MEIS2: variants seen among roughly 807,000 people sequenced by gnomAD.
The protein encoded by MEIS2 is homeobox protein Meis2.
MEIS2 carries 9 observed loss-of-function variants against 58.6 expected under a neutral mutation model. The ratio of observed to expected loss-of-function variants is 0.15; its 90% CI spans 0.09 to 0.27. The LOEUF (loss-of-function observed/expected upper bound fraction) is 0.27, where lower values mean the gene tolerates loss of function less well. MEIS2 is among the 10% of genes least tolerant of loss of function. The pLI is 1.00. For synonymous variants in MEIS2, 221 were observed against 228.4 expected, an observed-to-expected ratio of 0.97 and a Z score of 0.29; for missense variants, 427 against 635.0, an observed-to-expected ratio of 0.67 and a Z score of 3.52.
At chr15:37,092,882 G>A (rs1387042502) in intron 6 of MEIS2, among the ~76,000 whole-genome samples, 1 of 151,758 alleles carries the variant, frequency 6.6e-6, no homozygotes, top group African/African-American at 2.4e-5. Flanking sequence ...CTGTTAAAGT[G>A]TTAAAATTCA....
chr15:37,044,669 G>C (rs1411420230), intron 7 of MEIS2, among the ~76,000 whole-genome samples: 2 of 152,048 alleles, frequency 1.3e-5, no homozygotes, highest in African/African-American at 4.8e-5. Context: ...TAGTGAAAAA[G>C]GAATCTCCTT....
intron 8 of MEIS2, among the ~76,000 whole-genome samples, chr15:36,995,592 G>A (rs183459956): frequency 8.0e-4 from 110 of 137,344 alleles, no homozygotes; most frequent in Middle Eastern, 4.1e-3. Flanking sequence ...AAGCCATTAC[G>A]TTCTTTTCTT....
chr15:36,946,308 C>A (rs895319133), intron 9 of MEIS2, among the ~76,000 whole-genome samples: 1 of 151,652 alleles, frequency 6.6e-6, no homozygotes, highest in African/African-American at 2.4e-5. Context: ...TGAGAAAATA[C>A]CAGAGTGTTA....
intron 7 of MEIS2, among the ~76,000 whole-genome samples, chr15:37,083,341 G>A (rs2141916170): frequency 6.6e-6 from 1 of 152,246 alleles, no homozygotes; most frequent in Admixed American, 6.5e-5. Context: ...AATAAGAACA[G>A]ATTTTTAAAT....
intron 7 of MEIS2, among the ~76,000 whole-genome samples, chr15:37,054,004 C>T (rs183532390): frequency 2.6e-4 from 40 of 152,208 alleles, no homozygotes; most frequent in African/African-American, 9.4e-4. Context: ...ACAGATAAAG[C>T]GAGTGAGGTC....
intron 7 of MEIS2, among the ~76,000 whole-genome samples, chr15:37,057,883 G>A (rs1182199461): frequency 6.6e-6 from 1 of 152,078 alleles, no homozygotes; most frequent in African/African-American, 2.4e-5. Flanking sequence ...GTTAGAGAAC[G>A]CCTATTAACC....
chr15:37,023,909 CTCTTTTTTTT>C (rs1258982494), intron 8 of MEIS2, among the ~76,000 whole-genome samples: 2 of 79,832 alleles, frequency 2.5e-5, no homozygotes, highest in African/African-American at 7.9e-5. Context: ...CCTTTTCTCT[CTCTTTTTTTT>C]TTTTTTTTTT....
At position 37,045,306 on chromosome 15, in the gene MEIS2, C is replaced by T. The variant is rs748388424; in HGVS notation, c.755-8347G>A. On this transcript the variant is annotated intron_variant, in intron 7 of 11. Transcript: ENST00000561208. ...CACGGTATTTTATGGACTAATTTTC[C>T]GTCATCACTTCTTTATGCCCTTTTC... Among the ~76,000 whole-genome samples, 8 of 152,066 alleles carry T rather than the reference C, an allele frequency of 5.3e-5. No homozygotes were observed. In the South Asian group the frequency reaches 1.0e-3, roughly 20 times the overall value.
intron 7 of MEIS2, among the ~76,000 whole-genome samples, chr15:37,068,294 C>T (rs921486536): frequency 6.6e-6 from 1 of 152,138 alleles, no homozygotes; most frequent in African/African-American, 2.4e-5. Context: ...GGAGGAATCT[C>T]AAGCCATGAC....
At chr15:36,896,501 C>T in intron 10 of MEIS2, 127 bp downstream of exon 10, 1 of 667,400 alleles carries the variant, frequency 1.5e-6, no homozygotes, top group Non-Finnish European at 2.5e-6. Context: ...ATTCTGGGGA[C>T]ATTAAAAAAA....
intron 5 of MEIS2, 189 bp from the exon 6 acceptor site, chr15:37,093,919 G>C: frequency 1.6e-6 from 1 of 638,780 alleles, no homozygotes; most frequent in Non-Finnish European, 2.7e-6. Flanking sequence ...AGTAATTGTT[G>C]CAGCAGATAT....
chr15:37,021,946 CT>C (rs896862036), intron 8 of MEIS2, among the ~76,000 whole-genome samples: 1 of 152,074 alleles, frequency 6.6e-6, no homozygotes, highest in African/African-American at 2.4e-5. Context: ...TCTCAAAATA[CT>C]TTTGGAATAT....
At chr15:37,086,849 T>G (rs972626839) in intron 6 of MEIS2, among the ~76,000 whole-genome samples, 4 of 152,326 alleles carry the variant, frequency 2.6e-5, no homozygotes, top group Admixed American at 2.6e-4. Flanking sequence ...AACAAAAAAT[T>G]GTTCCTCCTT....
At chr15:37,065,283 AC>A (rs1889766973) in intron 7 of MEIS2, among the ~76,000 whole-genome samples, 1 of 152,194 alleles carries the variant, frequency 6.6e-6, no homozygotes, top group South Asian at 2.1e-4. Flanking sequence ...GCACTGAGAT[AC>A]ATTTCTGGAG....
chr15:36,919,171 ACT>A (rs1323542916), intron 9 of MEIS2, among the ~76,000 whole-genome samples: 2 of 152,174 alleles, frequency 1.3e-5, no homozygotes, highest in East Asian at 3.9e-4. Context: ...ACAGAGGGAG[ACT>A]CTGTCTCCAA....
At chr15:37,094,289 T>C (rs964049820) in intron 5 of MEIS2, among the ~76,000 whole-genome samples, 3 of 152,112 alleles carry the variant, frequency 2.0e-5, no homozygotes, top group Non-Finnish European at 2.9e-5. Flanking sequence ...TTCAAAATAA[T>C]CCTGAATGCC....
intron 9 of MEIS2, among the ~76,000 whole-genome samples, chr15:36,907,235 C>T (rs187481987): frequency 3.8e-4 from 58 of 152,324 alleles, no homozygotes; most frequent in Non-Finnish European, 7.6e-4. Context: ...AAAGGGCCTC[C>T]ATTAAGTGTG....
intron 9 of MEIS2, chr15:36,903,810 C>T (rs934471605): frequency 6.6e-6 from 1 of 152,156 alleles, no homozygotes; most frequent in African/African-American, 2.4e-5. Context: ...TCATGATCAC[C>T]TTTGATTGAA....
intron 9 of MEIS2, among the ~76,000 whole-genome samples, chr15:36,939,634 G>C (rs1423316617): frequency 6.6e-6 from 1 of 151,902 alleles, no homozygotes; most frequent in Non-Finnish European, 1.5e-5. Flanking sequence ...TCAAGAAATT[G>C]TACCTGTTTA....
Sources: allele counts gnomAD v4.1 joint callset (sites outside exome capture counted in the v4.1 genomes callset), GRCh38; gene constraint gnomAD v4.1.1; transcripts MANE v1.5; gene names NCBI Gene and HGNC (gene_info 2026-07-23, HGNC 2026-07-21).